RAMP1: variants seen among roughly 807,000 people sequenced by gnomAD.
RAMP1 encodes receptor activity modifying protein 1.
In RAMP1, 7 loss-of-function variants were observed where a neutral mutation model predicts 8.2. The observed-to-expected ratio is 0.85, with a 90% CI of 0.49 to 1.60. RAMP1 has a LOEUF of 1.60. RAMP1 is among the 40% of genes most tolerant of loss of function. The pLI is 0.00. For synonymous variants in RAMP1, 92 were observed against 84.7 expected (o/e 1.09, Z -0.47); for missense variants, 192 against 202.4 (o/e 0.95, Z 0.31).
At chr2:237,868,174 G>T (rs1329738052) in intron 1 of RAMP1, among the ~76,000 whole-genome samples, 1 of 151,922 alleles carries the variant, frequency 6.6e-6, no homozygotes, top group Non-Finnish European at 1.5e-5. Context: ...CTCTCAGGTA[G>T]CTGGGATTAC....
intron 1 of RAMP1, among the ~76,000 whole-genome samples, chr2:237,872,083 G>A (rs948242251): frequency 1.3e-5 from 2 of 152,218 alleles, no homozygotes; most frequent in African/African-American, 4.8e-5. Context: ...ACCCTCCTGC[G>A]ATGGTATCGT....
chr2:237,905,395 G>T (rs2062641717), intron 2 of RAMP1, among the ~76,000 whole-genome samples: 1 of 152,216 alleles, frequency 6.6e-6, no homozygotes, highest in Non-Finnish European at 1.5e-5. Flanking sequence ...TTAGACGTGG[G>T]TGGCACTGCA....
chr2:237,900,512 A>G (rs1182228754), intron 2 of RAMP1, among the ~76,000 whole-genome samples: 18 of 152,090 alleles, frequency 1.2e-4, no homozygotes. Flanking sequence ...ATTTGGAGAG[A>G]TTTATTTTGT....
At position 237,888,174 on chromosome 2, in the gene RAMP1, C is replaced by A. The variant is rs888783863; in HGVS notation, c.191+10812C>A. Among the ~76,000 whole-genome samples, 4 of 152,092 alleles carry A rather than the reference C, an allele frequency of 2.6e-5. No individual in the cohort carries two copies. The East Asian group carries it at 7.7e-4, about 29-fold the overall frequency. On this transcript the variant is annotated intron_variant, in intron 2 of 2. Transcript: ENST00000254661. Reference sequence around the variant, plus strand: ...GTTCAAGCGATTCTCCTGCCTCAGCCTCCCGAGTAGCTGGGATTACAGGTG... The same window carrying A: ...GTTCAAGCGATTCTCCTGCCTCAGCATCCCGAGTAGCTGGGATTACAGGTG...
At chr2:237,888,990 C>T (rs1201789176) in intron 2 of RAMP1, among the ~76,000 whole-genome samples, 1 of 152,192 alleles carries the variant, frequency 6.6e-6, no homozygotes, top group African/African-American at 2.4e-5. Flanking sequence ...CCAGGCTGGT[C>T]TCGAACTCCT....
upstream of RAMP1, among the ~76,000 whole-genome samples, chr2:237,859,379 TTTATTTGCTCGGAG>T (rs2062108975): frequency 6.6e-6 from 1 of 152,042 alleles, no homozygotes; most frequent in Non-Finnish European, 1.5e-5. Context: ...TTAAAAAGTG[TTTATTTGCTCGGAG>T]AACATTTCAG....
At chr2:237,906,010 CAAAA>C (rs377067863) in intron 2 of RAMP1, among the ~76,000 whole-genome samples, 2 of 95,772 alleles carry the variant, frequency 2.1e-5, no homozygotes, top group African/African-American at 4.0e-5. Context: ...GACTCTGTCT[CAAAA>C]AAAAAAAAAA....
chr2:237,890,722 A>G (rs1277305136), intron 2 of RAMP1, among the ~76,000 whole-genome samples: 1 of 152,206 alleles, frequency 6.6e-6, no homozygotes, highest in Non-Finnish European at 1.5e-5. Context: ...AACATGCTGC[A>G]TAGTATTCCT....
At chr2:237,910,615 A>G (rs1227716724) in intron 2 of RAMP1, among the ~76,000 whole-genome samples, 1 of 152,066 alleles carries the variant, frequency 6.6e-6, no homozygotes, top group East Asian at 1.9e-4. Context: ...ACAGTCACAC[A>G]CAGAATAACA....
chr2:237,901,963 A>T (rs1209809983), intron 2 of RAMP1, among the ~76,000 whole-genome samples: 1 of 151,862 alleles, frequency 6.6e-6, no homozygotes, highest in Non-Finnish European at 1.5e-5. Flanking sequence ...GGGCCTCAGG[A>T]GGGGAGGGCA....
intron 2 of RAMP1, 120 bp from the exon 3 acceptor site, chr2:237,911,408 G>A: frequency 1.0e-5 from 14 of 1,397,446 alleles, no homozygotes; most frequent in Non-Finnish European, 1.2e-5. Context: ...TCGGCGTCGG[G>A]GCTTCTCCGA....
intron 1 of RAMP1, among the ~76,000 whole-genome samples, chr2:237,876,442 G>T (rs1304284434): frequency 6.6e-6 from 1 of 152,144 alleles, no homozygotes; most frequent in East Asian, 1.9e-4. Flanking sequence ...TGGGGCTGGG[G>T]GTCCCCCCTG....
At chr2:237,860,820 G>T (rs2062126889) in intron 1 of RAMP1, among the ~76,000 whole-genome samples, 1 of 152,220 alleles carries the variant, frequency 6.6e-6, no homozygotes, top group Non-Finnish European at 1.5e-5. Context: ...CCAGCGAGGA[G>T]AGGGGCCAGG....
chr2:237,884,979 C>T (rs2062412505), intron 2 of RAMP1, among the ~76,000 whole-genome samples: 2 of 152,222 alleles, frequency 1.3e-5, no homozygotes, highest in Admixed American at 1.3e-4. Flanking sequence ...GTCTGCAGTG[C>T]CTGCTGTGGT....
intron 2 of RAMP1, among the ~76,000 whole-genome samples, chr2:237,890,402 G>A (rs547879112): frequency 3.1e-4 from 47 of 151,888 alleles, no homozygotes; most frequent in Admixed American, 9.8e-4. Flanking sequence ...GGGTTTCACT[G>A]TGTTTCCCAG....
At chr2:237,872,622 C>G (rs1042375502) in intron 1 of RAMP1, among the ~76,000 whole-genome samples, 5 of 152,188 alleles carry the variant, frequency 3.3e-5, no homozygotes, top group Non-Finnish European at 7.3e-5. Flanking sequence ...ATGAGCGTGC[C>G]AGGGATTGCA....
rs529550668 is a variant in RAMP1 at position 237,911,405 on chromosome 2, C to T, written c.192-123C>T. The T allele has an allele frequency of 4.4e-6, 6 of 1,364,776 alleles. No homozygotes were observed. The African/African-American group carries it at 7.2e-5, about 16-fold the overall frequency. The allele number at this position is 1,364,776 out of a possible 1,614,324, so 84.5% of individuals were successfully genotyped here. A position where few individuals can be genotyped will look rare whatever the true frequency, so the allele number is the denominator to read the frequency against. ...GGATCCAGGGCCACTGCCTCGGCGT[C>T]GGGGCTTCTCCGAGCCAAGCTTCAG... On this transcript the variant is annotated intron_variant, in intron 2 of 2. Transcript: ENST00000254661.
chr2:237,883,470 C>G (rs1332463571), intron 2 of RAMP1, among the ~76,000 whole-genome samples: 14 of 152,110 alleles, frequency 9.2e-5, no homozygotes, highest in Non-Finnish European at 1.5e-5. Context: ...AAGGAGGCCC[C>G]CCGTGATCCC....
At chr2:237,876,562 C>T (rs527665490) in intron 1 of RAMP1, among the ~76,000 whole-genome samples, 72 of 152,266 alleles carry the variant, frequency 4.7e-4, no homozygotes, top group African/African-American at 1.7e-3. Flanking sequence ...AGCTGCCCTA[C>T]GAGGTGGCCA....
Sources: allele counts gnomAD v4.1 joint callset (sites outside exome capture counted in the v4.1 genomes callset), GRCh38; gene constraint gnomAD v4.1.1; transcripts MANE v1.5; gene names NCBI Gene and HGNC (gene_info 2026-07-23, HGNC 2026-07-21).